CTH: variants seen among roughly 807,000 people sequenced by gnomAD.
The protein encoded by CTH is cystathionase (cystathionine gamma-lyase).
CTH carries 41 observed loss-of-function variants against 50.6 expected under a neutral mutation model. The ratio of observed to expected loss-of-function variants is 0.81; its 90% CI spans 0.63 to 1.05. The LOEUF (loss-of-function observed/expected upper bound fraction) is 1.05, where lower values mean the gene tolerates loss of function less well. Ranked by LOEUF, CTH falls within the 50% of genes least tolerant of loss-of-function variation. The pLI is 0.00. For synonymous variants in CTH, 156 were observed against 168.9 expected, an observed-to-expected ratio of 0.92 and a Z score of 0.59; for missense variants, 470 against 492.6, an observed-to-expected ratio of 0.95 and a Z score of 0.43.
In CTH at chr1:70,418,018, A is replaced by T; in HGVS notation, c.332A>T (p.Asp111Val). Residue 111 changes from aspartate to valine, a missense_variant, in exon 3 of 12, where the codon GAT (aspartate) becomes GTT (valine). Asp to Val is a radical substitution (Grantham distance 152). Coordinates refer to ENST00000370938, the MANE Select transcript of CTH (RefSeq NM_001902.6). The stretch of plus-strand genomic sequence containing the variant: ...GCAGGAGACCAAATTATTTGTATGG[A>T]TGATGTGTATGGAGGTAGGTGACCC... The part of the protein sequence containing the change: ...LKAGDQIICM[D>V]DVYGGTNRYF... The T allele has an allele frequency of 6.2e-7, 1 of 1,614,096 alleles. No individual in the cohort carries two copies. Among genetic ancestry groups the T allele is most frequent in the Non-Finnish European group, 8.5e-7 (1 of 1,179,996 alleles).
At chr1:70,421,155 A>C (rs1012194941) in intron 3 of CTH, among the ~76,000 whole-genome samples, 5 of 152,350 alleles carry the variant, frequency 3.3e-5, no homozygotes, top group South Asian at 2.1e-4. Context: ...AAGAATAGTA[A>C]CCAATTCTTT....
At chr1:70,416,425 T>A (rs1169077966) in intron 2 of CTH, among the ~76,000 whole-genome samples, 2 of 152,076 alleles carry the variant, frequency 1.3e-5, no homozygotes, top group Non-Finnish European at 2.9e-5. Flanking sequence ...GGGTCTCTCA[T>A]TCTGTTGCTC....
intron 10 of CTH, among the ~76,000 whole-genome samples, chr1:70,438,006 TG>T (rs1315545052): frequency 1.3e-5 from 2 of 152,214 alleles, no homozygotes; most frequent in African/African-American, 2.4e-5. Context: ...CCTCCTGCTT[TG>T]TTATTTAGGT....
At chr1:70,429,741 G>T in intron 5 of CTH, 53 bp from the exon 6 acceptor site, 1 of 1,233,780 alleles carries the variant, frequency 8.1e-7, no homozygotes, top group Non-Finnish European at 1.2e-6. Context: ...GGCAGGTAAT[G>T]AAGCATATTT....
intron 4 of CTH, 57 bp from the exon 5 acceptor site, chr1:70,424,228 A>G (rs868095044): frequency 4.3e-6 from 7 of 1,612,514 alleles, no homozygotes; most frequent in Middle Eastern, 1.7e-4. Context: ...AATATATGAG[A>G]TGTATGTTTG....
intron 9 of CTH, chr1:70,434,909 T>C (rs1036042828): frequency 2.1e-5 from 8 of 380,098 alleles, no homozygotes; most frequent in Non-Finnish European, 3.5e-5. Flanking sequence ...CGTGCCACCA[T>C]GCTCAGCTAA....
At chr1:70,419,744 G>A (rs1684172400) in intron 3 of CTH, among the ~76,000 whole-genome samples, 1 of 152,152 alleles carries the variant, frequency 6.6e-6, no homozygotes, top group Non-Finnish European at 1.5e-5. Context: ...TTAAATGTTA[G>A]CTATTTAAAG....
In CTH at chr1:70,438,837, T is replaced by G; in HGVS notation, c.1191+11T>G. 6.3e-7 allele frequency: 1 copy of G among 1,578,942 alleles called. No homozygotes were observed. ...GCTTTGAAGGCAGCAGTAAGTCTTATTATTGTGTGTGTGTGTGTGTGTGTG... is the reference window on the plus strand; with the variant it reads ...GCTTTGAAGGCAGCAGTAAGTCTTAGTATTGTGTGTGTGTGTGTGTGTGTG... On this transcript the variant is annotated intron_variant, in intron 11 of 11. Transcript: ENST00000370938.
At chr1:70,437,026 T>C (rs1243144704) in intron 10 of CTH, among the ~76,000 whole-genome samples, 1 of 152,204 alleles carries the variant, frequency 6.6e-6, no homozygotes, top group Non-Finnish European at 1.5e-5. Flanking sequence ...ACTCTGCTGC[T>C]ACTAGTGCAG....
intron 8 of CTH, 137 bp from the exon 9 acceptor site, chr1:70,433,691 T>C (rs1684530491): frequency 2.2e-6 from 3 of 1,338,180 alleles, no homozygotes; most frequent in Non-Finnish European, 3.1e-6. Flanking sequence ...CCCAAGCAAG[T>C]AGTCAGATGT....
At chr1:70,416,456 A>G (rs1684092906) in intron 2 of CTH, among the ~76,000 whole-genome samples, 1 of 151,816 alleles carries the variant, frequency 6.6e-6, no homozygotes, top group Non-Finnish European at 1.5e-5. Flanking sequence ...GCAGTGGCAC[A>G]ATCTCTGCTC....
intron 10 of CTH, among the ~76,000 whole-genome samples, chr1:70,436,749 C>T (rs539789714): frequency 3.9e-5 from 6 of 151,912 alleles, no homozygotes; most frequent in South Asian, 2.1e-4. Flanking sequence ...CCGGAAGATG[C>T]CTGCTAGTAA....
intron 8 of CTH, among the ~76,000 whole-genome samples, chr1:70,433,011 C>G (rs1374371753): frequency 6.6e-6 from 1 of 152,086 alleles, no homozygotes; most frequent in Non-Finnish European, 1.5e-5. Flanking sequence ...GTATTTCTCT[C>G]CTGTATTTTT....
chr1:70,432,682 C>CTT (rs10607278), intron 8 of CTH, among the ~76,000 whole-genome samples: 19 of 89,870 alleles, frequency 2.1e-4, no homozygotes, highest in African/African-American at 5.8e-4. Context: ...CTCTCTCTCT[C>CTT]TTTTTTTTTT....
chr1:70,417,835 G>A, intron 2 of CTH, 102 bp from the exon 3 acceptor site: 1 of 1,275,516 alleles, frequency 7.8e-7, no homozygotes, highest in Non-Finnish European at 1.1e-6. Flanking sequence ...CAGCAGTGAT[G>A]GCTTCCTATC....
In CTH at chr1:70,424,315, A is replaced by T. The variant is rs1572260939; in HGVS notation, c.487A>T (p.Thr163Ser). 1.2e-6 allele frequency: 2 copies of T among 1,614,084 alleles called. No homozygotes were observed. Among genetic ancestry groups the T allele is most frequent in the East Asian group, 4.5e-5 (2 of 44,866 alleles). ...LVWIETPTNP[T>S]QKVIDIEGCA... ...TTGGATCGAAACCCCCACAAACCCC[A>T]CCCAGAAGGTGATTGACATTGAAGG... is the stretch of plus-strand genomic sequence containing the variant. Residue 163 changes from threonine to serine, a missense_variant, in exon 5 of 12, where the codon ACC (threonine) becomes TCC (serine). Thr to Ser is a moderately conservative substitution (Grantham distance 58). Coordinates refer to ENST00000370938, the MANE Select transcript of CTH (RefSeq NM_001902.6).
At chr1:70,435,775 TA>T in intron 10 of CTH, among the ~76,000 whole-genome samples, 1 of 152,104 alleles carries the variant, frequency 6.6e-6, no homozygotes, top group Non-Finnish European at 1.5e-5. Context: ...AGGATATTGG[TA>T]CAAGAAGCAG....
rs1389709036 is a variant in CTH, at chr1:70,411,287, C to G, written c.-129C>G. On this transcript the variant is annotated 5_prime_UTR_variant, in exon 1 of 12. Coordinates refer to ENST00000370938, the MANE Select transcript of CTH (RefSeq NM_001902.6). Reference sequence around the variant, plus strand: ...CTGTGTGCCGCTTTAGTGCGCTCGCCGTCGGCTCTACCTGCGTGCTTTAGC... The same window carrying G: ...CTGTGTGCCGCTTTAGTGCGCTCGCGGTCGGCTCTACCTGCGTGCTTTAGC... The G allele has an allele frequency of 1.7e-5, 15 of 901,972 alleles. No individual in the cohort carries two copies. The highest frequency in any genetic ancestry group is 2.8e-5 in the Non-Finnish European group (15 of 531,760). 55.9% of individuals were successfully genotyped at this position (901,972 alleles called of 1,614,324 possible). A position where few individuals can be genotyped will look rare whatever the true frequency, so the allele number is the denominator to read the frequency against.
In CTH at chr1:70,429,833, G is replaced by T; in HGVS notation, c.628G>T (p.Ala210Ser). 3.7e-6 allele frequency: 6 copies of T among 1,612,458 alleles called. No homozygotes were observed. The highest frequency in any genetic ancestry group is 5.1e-6 in the Non-Finnish European group (6 of 1,178,712). The stretch of plus-strand genomic sequence containing the variant: ...GGGAGCTGATATTTCTATGTATTCT[G>T]CAACAAAATACATGAATGGTAAGAT... ...ALGADISMYS[A>S]TKYMNGHSDV... Residue 210 changes from alanine (A) to serine (S), a missense_variant, in exon 6 of 12, where the codon GCA becomes TCA. Coordinates refer to ENST00000370938, the MANE Select transcript of CTH (RefSeq NM_001902.6).
Sources: gnomAD v4.1 joint callset for allele counts (sites outside exome capture counted in the v4.1 genomes callset) on GRCh38, gnomAD v4.1.1 for gene constraint, MANE v1.5 for transcripts, NCBI Gene and HGNC (gene_info 2026-07-23, HGNC 2026-07-21) for gene names.